Variants in SLC24A3 observed in about 807,000 individuals in gnomAD.
SLC24A3 encodes solute carrier family 24 member 3, also known as sodium/potassium/calcium exchanger 3.
In SLC24A3, 28 loss-of-function variants were observed where a neutral mutation model predicts 75.8. That is an observed-to-expected ratio of 0.37 (90% CI 0.27 to 0.51). The LOEUF is 0.51. Ranked by LOEUF, SLC24A3 falls within the 20% of genes least tolerant of loss-of-function variation. SLC24A3 has a pLI of 0.94. For missense variants in SLC24A3, 663 were observed against 847.8 expected, an observed-to-expected ratio of 0.78 and a Z score of 2.71; for synonymous variants, 372 against 334.1, an observed-to-expected ratio of 1.11 and a Z score of -1.24.
chr20:19,631,342 G>C (rs1216025684), intron 6 of SLC24A3, among the ~76,000 whole-genome samples: 2 of 152,150 alleles, frequency 1.3e-5, no homozygotes, highest in African/African-American at 4.8e-5. Flanking sequence ...GTCAGACCCT[G>C]TCTCAAAAAT....
At chr20:19,419,774 G>A (rs4813358) in intron 2 of SLC24A3, among the ~76,000 whole-genome samples, 78,578 of 151,576 alleles carry the variant, frequency 0.52, 20,802 homozygotes, top group East Asian at 0.89. Context: ...GAGGCCACAC[G>A]GGCTCAGGGA....
chr20:19,308,621 C>A (rs563357199), intron 2 of SLC24A3, among the ~76,000 whole-genome samples: 1 of 152,264 alleles, frequency 6.6e-6, no homozygotes, highest in Non-Finnish European at 1.5e-5. Context: ...CTTCGCAAAC[C>A]TTTATTGAGC....
rs551084119 is a variant in SLC24A3, at chr20:19,374,270, C to T, written c.271+93183C>T. 4.6e-5 allele frequency among the ~76,000 whole-genome samples: 7 copies of T among 152,294 alleles called. No homozygotes were observed. In the South Asian group the frequency reaches 1.5e-3, roughly 32 times the overall value. ...TCAGTGACAGGGTGGGCCGTCACTCCTCCACATGCTCAAGTTGCCATTTCT... is the reference window on the plus strand; with the variant it reads ...TCAGTGACAGGGTGGGCCGTCACTCTTCCACATGCTCAAGTTGCCATTTCT... On this transcript the variant is annotated intron_variant, in intron 2 of 16. Coordinates refer to ENST00000328041, the MANE Select transcript of SLC24A3 (RefSeq NM_020689.4).
intron 13 of SLC24A3, chr20:19,694,107 T>C (rs1217904900): frequency 3.3e-5 from 5 of 152,220 alleles, no homozygotes; most frequent in Non-Finnish European, 7.3e-5. Flanking sequence ...GTGATTCACA[T>C]TGGTTGATTG....
chr20:19,237,746 G>C (rs1359083239), intron 1 of SLC24A3, among the ~76,000 whole-genome samples: 3 of 152,198 alleles, frequency 2.0e-5, no homozygotes, highest in Admixed American at 6.5e-5. Context: ...GATTGAGCAG[G>C]AGAGATATGC....
chr20:19,355,315 C>G (rs529393565), intron 2 of SLC24A3, among the ~76,000 whole-genome samples: 1 of 152,348 alleles, frequency 6.6e-6, no homozygotes, highest in African/African-American at 2.4e-5. Flanking sequence ...GGGTTCAGAA[C>G]ACTTCACATG....
chr20:19,432,464 T>C (rs1397008305), intron 2 of SLC24A3, among the ~76,000 whole-genome samples: 1 of 152,100 alleles, frequency 6.6e-6, no homozygotes, highest in Non-Finnish European at 1.5e-5. Flanking sequence ...TTTCTCTCAT[T>C]GTTCACAATA....
rs868580107 is a variant in SLC24A3, at chr20:19,314,335, A to G, written c.271+33248A>G. ...TATTTTATTTTATTTTATTTTTGAGACAGGGTCTCAGTCCACCACCCAGGC... is the reference window on the plus strand; with the variant it reads ...TATTTTATTTTATTTTATTTTTGAGGCAGGGTCTCAGTCCACCACCCAGGC... On this transcript the variant is annotated intron_variant, in intron 2 of 16. Transcript: ENST00000328041. Among the ~76,000 whole-genome samples the G allele has an allele frequency of 1.8e-4, 14 of 77,908 alleles. No homozygotes were observed. In the South Asian group the frequency reaches 3.5e-3, roughly 19 times the overall value. 51.1% of individuals were successfully genotyped at this position (77,908 alleles called of 152,430 possible).
At chr20:19,321,831 T>A (rs1398230066) in intron 2 of SLC24A3, among the ~76,000 whole-genome samples, 1 of 152,250 alleles carries the variant, frequency 6.6e-6, no homozygotes, top group African/African-American at 2.4e-5. Flanking sequence ...TTCTATAGTT[T>A]TATTTTTTAA....
chr20:19,666,033 C>A, intron 8 of SLC24A3, 144 bp downstream of exon 8: 1 of 869,980 alleles, frequency 1.1e-6, no homozygotes, highest in Non-Finnish European at 1.8e-6. Flanking sequence ...ACCCTCTGCA[C>A]ACCTCAGGGG....
chr20:19,488,098 T>C (rs773288812), intron 2 of SLC24A3, among the ~76,000 whole-genome samples: 6 of 152,248 alleles, frequency 3.9e-5, no homozygotes, highest in African/African-American at 7.2e-5. Flanking sequence ...AGAGACTTTC[T>C]CGTACCAAAC....
At chr20:19,616,537 T>A (rs1004682044) in intron 6 of SLC24A3, among the ~76,000 whole-genome samples, 6 of 152,190 alleles carry the variant, frequency 3.9e-5, no homozygotes, top group African/African-American at 1.4e-4. Context: ...TCAGGCCAAC[T>A]GTCCATCTGA....
intron 2 of SLC24A3, among the ~76,000 whole-genome samples, chr20:19,510,084 A>G (rs1988514842): frequency 6.6e-6 from 1 of 152,242 alleles, no homozygotes; most frequent in Non-Finnish European, 1.5e-5. Flanking sequence ...ACAAAGATCA[A>G]TGACAATCCT....
chr20:19,721,086 G>A lies in SLC24A3; in HGVS notation c.1881G>A (p.Met627Ile). The change falls in exon 17 of 17, where the codon ATG becomes ATA. Residue 627 changes from methionine (M) to isoleucine (I), a missense_variant. By Grantham distance (10) the Met-to-Ile change is conservative (BLOSUM62 1). Around this residue, in one of 2 missense-constraint regions of SLC24A3, gnomAD observed 510 missense variants for 703.6 expected, o/e 0.72. Transcript: ENST00000328041. The part of the protein sequence containing the change: ...LYGVFLCFSI[M>I]TEFNVFTFVN... ...GTGTGTTCCTGTGCTTCTCCATCAT[G>A]ACTGAGTTCAACGTGTTCACCTTTG... The A allele has an allele frequency of 6.2e-7, 1 of 1,614,138 alleles. No homozygotes were observed. Among genetic ancestry groups the A allele is most frequent in the Non-Finnish European group, 8.5e-7 (1 of 1,180,034 alleles).
At chr20:19,381,215 A>C (rs1302778992) in intron 2 of SLC24A3, among the ~76,000 whole-genome samples, 1 of 152,218 alleles carries the variant, frequency 6.6e-6, no homozygotes, top group Admixed American at 6.5e-5. Flanking sequence ...CCACAATACT[A>C]TGCATTGTTA....
chr20:19,490,387 G>T (rs1426047352), intron 2 of SLC24A3, among the ~76,000 whole-genome samples: 1 of 152,168 alleles, frequency 6.6e-6, no homozygotes, highest in East Asian at 1.9e-4. Flanking sequence ...CAAGAGAGAG[G>T]CAGTCAGCAC....
Position 19,653,974 on chromosome 20 carries a change from G to A in SLC24A3, c.613-88G>A. On this transcript the variant is annotated intron_variant, in intron 6 of 16. Transcript: ENST00000328041. Reference sequence around the variant, plus strand: ...GATTGGGTGCAGGACAGGAGGCCTAGACAGGAAGCTGGCTAAACCTGCAAG... The same window carrying A: ...GATTGGGTGCAGGACAGGAGGCCTAAACAGGAAGCTGGCTAAACCTGCAAG... 4 of 1,121,044 alleles carry A rather than the reference G, an allele frequency of 3.6e-6. No homozygotes were observed. In the Admixed American group the frequency reaches 7.4e-5, roughly 21 times the overall value. 69.4% of individuals were successfully genotyped at this position (1,121,044 alleles called of 1,614,324 possible).
intron 2 of SLC24A3, among the ~76,000 whole-genome samples, chr20:19,391,867 A>G (rs980549693): frequency 6.6e-6 from 1 of 152,208 alleles, no homozygotes; most frequent in Non-Finnish European, 1.5e-5. Context: ...ATAAAGAGAC[A>G]TTCTGGAGAC....
rs533052302 is a variant in SLC24A3, at chr20:19,231,091, T to C, written c.142+18107T>C. Among the ~76,000 whole-genome samples the C allele has an allele frequency of 1.1e-4, 16 of 152,336 alleles. No individual in the cohort carries two copies. The East Asian group carries it at 3.1e-3, about 29-fold the overall frequency. ...CATGGATTAGGTATTATTATCCTCA[T>C]TTAAATTAAAGTAACTTTCCCAAGG... On this transcript the variant is annotated intron_variant, in intron 1 of 16. Coordinates refer to ENST00000328041, the MANE Select transcript of SLC24A3 (RefSeq NM_020689.4).
Sources: allele counts gnomAD v4.1 joint callset (sites outside exome capture counted in the v4.1 genomes callset), GRCh38; gene constraint gnomAD v4.1.1; regional missense constraint gnomAD v4.1.1; transcripts MANE v1.5; gene names NCBI Gene and HGNC (gene_info 2026-07-23, HGNC 2026-07-21).